The following EPM2A variants were observed in gnomAD, a reference collection of about 807,000 sequenced individuals.
The protein encoded by EPM2A is EPM2A glucan phosphatase, laforin.
EPM2A carries 21 observed loss-of-function variants against 26.5 expected under a neutral mutation model. That is an observed-to-expected ratio of 0.79 (90% CI 0.56 to 1.14). The LOEUF is 1.14. Among genes scored for constraint, EPM2A ranks in the 50% most tolerant of loss-of-function variants. EPM2A has a pLI of 0.00. For missense variants in EPM2A, 458 were observed against 440.8 expected (o/e 1.04, Z -0.35); for synonymous variants, 217 against 177.6 (o/e 1.22, Z -1.76).
At chr6:145,433,404 T>C (rs1477017647) in intron 4 of EPM2A, among the ~76,000 whole-genome samples, 1 of 152,194 alleles carries the variant, frequency 6.6e-6, no homozygotes, top group African/African-American at 2.4e-5. Flanking sequence ...AAAAAATTTG[T>C]CCCACATTTT....
intron 2 of EPM2A, chr6:145,635,991 T>C (rs1370934205): frequency 5.6e-6 from 1 of 177,920 alleles, no homozygotes; most frequent in Admixed American, 5.5e-5. Flanking sequence ...CTTCTTTTAA[T>C]AAGATCAGAA....
intron 1 of EPM2A, among the ~76,000 whole-genome samples, 180 bp from the exon 2 acceptor site, chr6:145,686,476 GAGCT>G (rs1403583644): frequency 1.3e-5 from 2 of 152,066 alleles, no homozygotes; most frequent in African/African-American, 4.8e-5. Context: ...AATTTGTAAA[GAGCT>G]ACTTAGGAAA....
intron 2 of EPM2A, among the ~76,000 whole-genome samples, chr6:145,541,335 T>C (rs1429090178): frequency 7.5e-6 from 1 of 133,498 alleles, no homozygotes; most frequent in Non-Finnish European, 1.7e-5. Context: ...TGTGTATATA[T>C]ATGTGTGTGT....
chr6:145,697,381 A>G (rs4455694), intron 1 of EPM2A, among the ~76,000 whole-genome samples: 95,851 of 152,032 alleles, frequency 0.63, 30,702 homozygotes, highest in East Asian at 0.74. Flanking sequence ...GAGGCAGGGC[A>G]AGATCACAGG....
intron 2 of EPM2A, among the ~76,000 whole-genome samples, chr6:145,520,151 A>G (rs900543483): frequency 2.6e-5 from 4 of 152,186 alleles, no homozygotes; most frequent in Non-Finnish European, 5.9e-5. Flanking sequence ...CTTTTGTGAA[A>G]ACAAAAGAAC....
chr6:145,711,061 A>C (rs1013094161), intron 1 of EPM2A, among the ~76,000 whole-genome samples: 1 of 152,018 alleles, frequency 6.6e-6, no homozygotes, highest in Non-Finnish European at 1.5e-5. Context: ...ACATGGCACA[A>C]GTATACATAT....
At chr6:145,561,873 G>T (rs1459950380) in intron 2 of EPM2A, among the ~76,000 whole-genome samples, 1 of 151,972 alleles carries the variant, frequency 6.6e-6, no homozygotes, top group Non-Finnish European at 1.5e-5. Context: ...ACACAGGAAG[G>T]GCAACAAACA....
chr6:145,414,935 C>T (rs192887124), intron 4 of EPM2A, among the ~76,000 whole-genome samples: 4 of 152,098 alleles, frequency 2.6e-5, no homozygotes. Flanking sequence ...ATTTTTAAAC[C>T]ATTTTTCTTC....
rs1362777158 is a variant in EPM2A, at chr6:145,385,150, A to T, written c.556-1053T>A. ...CTTTAGAATGGACTAAAAATCACTT[A>T]TACCCATTTAAAAAATAACGTGGAG... On this transcript the variant is annotated intron_variant, in intron 4 of 4. Coordinates refer to the EPM2A transcript ENST00000638717. Among the ~76,000 whole-genome samples, 2 of 147,950 alleles carry T rather than the reference A, an allele frequency of 1.4e-5. 1 individual carries two copies. The highest frequency in any genetic ancestry group is 3.0e-5 in the Non-Finnish European group (2 of 66,882).
downstream of EPM2A, among the ~76,000 whole-genome samples, chr6:145,622,174 A>T (rs1775651446): frequency 6.6e-6 from 1 of 152,180 alleles, no homozygotes; most frequent in Admixed American, 6.5e-5. Context: ...TAATGTTGGT[A>T]TAATGCCTGA....
At chr6:145,452,688 CAA>C (rs770537287) in intron 4 of EPM2A, among the ~76,000 whole-genome samples, 13 of 103,246 alleles carry the variant, frequency 1.3e-4, no homozygotes, top group Admixed American at 3.0e-4. Context: ...GACTCTGTCT[CAA>C]AAAAAAAAAA....
intron 2 of EPM2A, among the ~76,000 whole-genome samples, chr6:145,666,510 A>G (rs13204095): frequency 0.5 from 24,875 of 49,258 alleles, 6,566 homozygotes; most frequent in East Asian, 0.61. Flanking sequence ...AAGGAAATAA[A>G]AGAGGACACA....
At chr6:145,451,399 A>C (rs1287065153) in intron 4 of EPM2A, among the ~76,000 whole-genome samples, 2 of 152,240 alleles carry the variant, frequency 1.3e-5, no homozygotes, top group Non-Finnish European at 2.9e-5. Flanking sequence ...ATTTTACTGC[A>C]ACATCTCACT....
intron 2 of EPM2A, among the ~76,000 whole-genome samples, chr6:145,509,532 C>T (rs1383742812): frequency 6.6e-6 from 1 of 152,110 alleles, no homozygotes; most frequent in African/African-American, 2.4e-5. Flanking sequence ...CCCAGACAAG[C>T]AATCACTAAG....
chr6:145,612,759 T>TTA lies in EPM2A; in HGVS notation c.340+22484_340+22485dup, dbSNP rs752291416. On this transcript the variant is annotated intron_variant, in intron 2 of 3. Transcript: ENST00000450221. ...TATTATATATAGGTATATATGTATT[T>TTA]TATATATATATATATACCTTAAGTA... Among the ~76,000 whole-genome samples, 1,413 of 146,756 alleles carry TTA rather than the reference T, an allele frequency of 9.6e-3. 11 individuals are homozygous for TTA. The highest frequency in any genetic ancestry group is 0.025 in the African/African-American group (1,012 of 40,506).
intron 4 of EPM2A, among the ~76,000 whole-genome samples, chr6:145,390,839 T>C (rs1778327835): frequency 1.3e-5 from 2 of 152,054 alleles, no homozygotes; most frequent in Non-Finnish European, 2.9e-5. Flanking sequence ...TTCTCACTAG[T>C]CCAACACCTG....
chr6:145,625,851 T>C lies in EPM2A; in HGVS notation c.*1565A>G. ...GCCTTCTAAATAAGAGTCTCTTGCA[T>C]CTATCAATATGTGTTTGTGGAAGAA... On this transcript the variant is annotated 3_prime_UTR_variant, in exon 4 of 4. Transcript: ENST00000367519. 6.5e-7 allele frequency: 1 copy of C among 1,539,578 alleles called. No homozygotes were observed.
At chr6:145,521,872 A>G (rs1230923337) in intron 2 of EPM2A, among the ~76,000 whole-genome samples, 2 of 152,234 alleles carry the variant, frequency 1.3e-5, no homozygotes, top group Admixed American at 1.3e-4. Flanking sequence ...TTTGTCAAAG[A>G]ACTTAATACC....
chr6:145,633,045 G>C (rs1776383741), intron 3 of EPM2A, among the ~76,000 whole-genome samples: 1 of 152,214 alleles, frequency 6.6e-6, no homozygotes, highest in Non-Finnish European at 1.5e-5. Context: ...AAAGGTTCGT[G>C]AACACAACTA....
Sources: gnomAD v4.1 joint callset for allele counts (sites outside exome capture counted in the v4.1 genomes callset) on GRCh38, gnomAD v4.1.1 for gene constraint, MANE v1.5 for transcripts, NCBI Gene and HGNC (gene_info 2026-07-23, HGNC 2026-07-21) for gene names.